MAP2K4: variants seen among roughly 807,000 people sequenced by gnomAD.
MAP2K4 encodes dual specificity mitogen-activated protein kinase kinase 4.
A neutral mutation model predicts 48.5 loss-of-function variants in MAP2K4; 4 were observed. That is an observed-to-expected ratio of 0.08 (90% CI 0.04 to 0.19). The LOEUF (loss-of-function observed/expected upper bound fraction) is 0.19. MAP2K4 is among the 10% of genes least tolerant of loss of function. MAP2K4 has a pLI of 1.00. For missense variants in MAP2K4, 258 were observed against 493.3 expected (o/e 0.52, Z 4.52); for synonymous variants, 166 against 173.1 (o/e 0.96, Z 0.32).
At chr17:12,025,006 A>G (rs1969211978) in intron 1 of MAP2K4, among the ~76,000 whole-genome samples, 2 of 152,246 alleles carry the variant, frequency 1.3e-5, no homozygotes, top group African/African-American at 4.8e-5. Flanking sequence ...ATTCTGATTA[A>G]TAGAGCTTGC....
intron 4 of MAP2K4, among the ~76,000 whole-genome samples, chr17:12,100,583 T>A (rs1971906956): frequency 6.6e-6 from 1 of 152,108 alleles, no homozygotes; most frequent in Non-Finnish European, 1.5e-5. Flanking sequence ...TACATGGGGG[T>A]GGAATGGCTG....
chr17:12,069,755 T>A, intron 2 of MAP2K4: 1 of 1,118,520 alleles, frequency 8.9e-7, no homozygotes, highest in Non-Finnish European at 1.1e-6. Flanking sequence ...TTTCCGGAAT[T>A]AACAGAGCTG....
chr17:12,063,989 A>G (rs1339507496), intron 2 of MAP2K4, among the ~76,000 whole-genome samples: 1 of 91,764 alleles, frequency 1.1e-5, no homozygotes, highest in African/African-American at 4.4e-5. Context: ...GGGGGCGGGG[A>G]GGAAAGCAGG....
At chr17:12,044,930 T>G (rs1969913467) in intron 1 of MAP2K4, among the ~76,000 whole-genome samples, 1 of 152,216 alleles carries the variant, frequency 6.6e-6, no homozygotes, top group Non-Finnish European at 1.5e-5. Context: ...CTCATTAGCA[T>G]CCAAAAAATA....
intron 2 of MAP2K4, among the ~76,000 whole-genome samples, chr17:12,068,215 G>T (rs1970676658): frequency 6.6e-6 from 1 of 152,022 alleles, no homozygotes; most frequent in African/African-American, 2.4e-5. Flanking sequence ...TGGAGAGATG[G>T]GCCACATAAT....
chr17:12,064,252 T>G (rs914317208), intron 2 of MAP2K4, among the ~76,000 whole-genome samples: 2 of 152,088 alleles, frequency 1.3e-5, no homozygotes, highest in Non-Finnish European at 2.9e-5. Flanking sequence ...CCGACTCATT[T>G]AAAAAAATTT....
rs540485743 is a variant in MAP2K4, at chr17:12,057,427, T to C, written c.218+2436T>C. Among the ~76,000 whole-genome samples, 6 of 152,164 alleles carry C rather than the reference T, an allele frequency of 3.9e-5. No individual in the cohort carries two copies. The South Asian group carries it at 1.2e-3, about 32-fold the overall frequency. ...TTAATTGTAGCAGGGATGTTATTTATAGATTACCTATTTCTCTCTCTCACT... is the reference window on the plus strand; with the variant it reads ...TTAATTGTAGCAGGGATGTTATTTACAGATTACCTATTTCTCTCTCTCACT... On this transcript the variant is annotated intron_variant, in intron 2 of 10. Transcript: ENST00000353533.
intron 1 of MAP2K4, among the ~76,000 whole-genome samples, chr17:12,021,812 A>T (rs1969080297): frequency 6.6e-6 from 1 of 151,722 alleles, no homozygotes; most frequent in Admixed American, 6.6e-5. Flanking sequence ...GGTCAAAGTG[A>T]TACTGTAGTG....
At chr17:12,051,195 G>GA (rs1362138382) in intron 1 of MAP2K4, among the ~76,000 whole-genome samples, 1 of 152,124 alleles carries the variant, frequency 6.6e-6, no homozygotes, top group Admixed American at 6.6e-5. Flanking sequence ...GCCATTGCAT[G>GA]AAAAAAGTAG....
At chr17:12,055,713 T>C (rs1970266193) in intron 2 of MAP2K4, among the ~76,000 whole-genome samples, 1 of 152,074 alleles carries the variant, frequency 6.6e-6, no homozygotes, top group African/African-American at 2.4e-5. Flanking sequence ...CTTTTATTGC[T>C]ATTTTCTCTT....
chr17:12,052,451 T>C (rs1970171166), intron 1 of MAP2K4, among the ~76,000 whole-genome samples: 1 of 152,228 alleles, frequency 6.6e-6, no homozygotes, highest in African/African-American at 2.4e-5. Flanking sequence ...GTATAAATAC[T>C]TATATTCAAG....
intron 5 of MAP2K4, among the ~76,000 whole-genome samples, chr17:12,109,181 C>T (rs1445173458): frequency 6.6e-6 from 1 of 151,978 alleles, no homozygotes; most frequent in African/African-American, 2.4e-5. Context: ...AATCTAAATC[C>T]AGGCAGCCTG....
chr17:12,115,340 TACACAAACCTAGATGGTATAGCCTACTAC>T (rs1216513555), intron 7 of MAP2K4, among the ~76,000 whole-genome samples: 9 of 152,336 alleles, frequency 5.9e-5, no homozygotes, highest in African/African-American at 1.7e-4. Context: ...TAAGTGTACT[TACACAAACCTAGATGGTATAGCCTACTAC>T]ACACATAGGC....
chr17:12,128,784 C>G (rs1972938432), intron 8 of MAP2K4, among the ~76,000 whole-genome samples: 1 of 152,156 alleles, frequency 6.6e-6, no homozygotes, highest in Non-Finnish European at 1.5e-5. Context: ...TGTGCGTATT[C>G]TATAGTAAAA....
chr17:12,028,992 G>C (rs1361645849), intron 1 of MAP2K4, among the ~76,000 whole-genome samples: 1 of 152,176 alleles, frequency 6.6e-6, no homozygotes, highest in Non-Finnish European at 1.5e-5. Context: ...GTTGGAACTA[G>C]AACTCTGGTC....
chr17:12,052,336 C>T (rs1040638005), intron 1 of MAP2K4, among the ~76,000 whole-genome samples: 1 of 152,172 alleles, frequency 6.6e-6, no homozygotes, highest in Non-Finnish European at 1.5e-5. Context: ...ATCACATTCT[C>T]TTCATCATGG....
chr17:12,072,700 A>T (rs1471617360), intron 2 of MAP2K4, among the ~76,000 whole-genome samples: 2 of 152,220 alleles, frequency 1.3e-5, no homozygotes, highest in African/African-American at 4.8e-5. Flanking sequence ...TTTAAGCAGT[A>T]TAAGGTACTC....
intron 1 of MAP2K4, among the ~76,000 whole-genome samples, chr17:12,052,308 C>T (rs1970167553): frequency 6.6e-6 from 1 of 152,164 alleles, no homozygotes; most frequent in Non-Finnish European, 1.5e-5. Flanking sequence ...GTGTTTAAAT[C>T]TAATTTATGT....
At chr17:12,093,202 C>T (rs2151559512) in intron 3 of MAP2K4, among the ~76,000 whole-genome samples, 1 of 152,298 alleles carries the variant, frequency 6.6e-6, no homozygotes, top group African/African-American at 2.4e-5. Flanking sequence ...TTCAGCTGCT[C>T]TGTGTTCTAT....
Sources: allele counts gnomAD v4.1 joint callset (sites outside exome capture counted in the v4.1 genomes callset), GRCh38; gene constraint gnomAD v4.1.1; transcripts MANE v1.5; gene names NCBI Gene and HGNC (gene_info 2026-07-23, HGNC 2026-07-21).